Variants in ZNF469 observed in about 807,000 individuals in gnomAD.
ZNF469 encodes the protein zinc finger protein 469.
In ZNF469, 1 loss-of-function variant was observed where a neutral mutation model predicts 1.0. The observed-to-expected ratio is 1.00, with a 90% CI of 0.35 to 4.73. The LOEUF is 4.73. Among genes scored for constraint, ZNF469 ranks in the 30% most tolerant of loss-of-function variants. ZNF469 has a pLI of 0.16. For missense variants in ZNF469, 6,100 were observed against 5,356.3 expected, an observed-to-expected ratio of 1.14 and a Z score of -4.33; for synonymous variants, 2,703 against 2,363.4, an observed-to-expected ratio of 1.14 and a Z score of -4.17.
the ZNF469 span, among the ~76,000 whole-genome samples, chr16:88,245,368 C>G: frequency 2.8e-4 from 43 of 152,378 alleles, no homozygotes; most frequent in East Asian, 3.8e-3. Context: ...TTGCTGGAGT[C>G]TGGCTCCAGA....
At chr16:88,227,578 C>T in the ZNF469 span, among the ~76,000 whole-genome samples, 1 of 150,188 alleles carries the variant, frequency 6.7e-6, no homozygotes, top group Non-Finnish European at 1.5e-5. Flanking sequence ...GGCCTGGCCC[C>T]CCCCTTCTCC....
the ZNF469 span, among the ~76,000 whole-genome samples, chr16:88,109,548 G>GCCAGCTTGCTCACCTTTGGCCC: frequency 6.8e-6 from 1 of 147,304 alleles, no homozygotes; most frequent in Non-Finnish European, 1.5e-5. Context: ...ATCAGGAGGT[G>GCCAGCTTGCTCACCTTTGGCCC]CTGAGCATCT....
the ZNF469 span, among the ~76,000 whole-genome samples, chr16:88,230,320 C>T: frequency 1.3e-5 from 2 of 152,234 alleles, no homozygotes; most frequent in African/African-American, 4.8e-5. Context: ...ATTGCTGAGG[C>T]GGCCTCTGGC....
In ZNF469 at chr16:88,429,456, G is replaced by A; in HGVS notation, c.1986G>A (p.Gln662=). ...CCCACTCCCTCCCCACCCACTACCA[G>A]CCAGAGCCAGCCAAGGCCTTCCCTT... ...EPPHSLPTHY[Q]PEPAKAFPFP... The change falls in exon 3 of 3, where the codon CAG becomes CAA. Residue 662 remains glutamine, a synonymous_variant. Coordinates refer to ENST00000565624, the MANE Select transcript of ZNF469 (RefSeq NM_001367624.2). 8.5e-7 allele frequency: 1 copy of A among 1,181,352 alleles called. No individual in the cohort carries two copies. Among genetic ancestry groups the A allele is most frequent in the Non-Finnish European group, 1.1e-6 (1 of 889,150 alleles). The allele number at this position is 1,181,352 out of a possible 1,614,324, so 73.2% of individuals were successfully genotyped here.
Position 88,428,182 on chromosome 16 carries a change from G to A in ZNF469, c.712G>A (p.Ala238Thr), listed in dbSNP as rs748253495. 9.7e-6 allele frequency: 15 copies of A among 1,550,108 alleles called. No individual in the cohort carries two copies. Among genetic ancestry groups the A allele is most frequent in the Admixed American group, 5.9e-5 (3 of 50,984 alleles). ...QASGADSWPP[A>T]AENSFPGANF... is the part of the protein sequence containing the mutation. ...CAGTGGGGCCGACTCCTGGCCTCCC[G>A]CTGCTGAGAATAGCTTCCCAGGTGC... The change falls in exon 3 of 3, where the codon GCT becomes ACT. Residue 238 changes from alanine to threonine, a missense_variant. Physicochemically the swap from Ala to Thr is moderately conservative, Grantham distance 58. Coordinates refer to ENST00000565624, the MANE Select transcript of ZNF469 (RefSeq NM_001367624.2).
chr16:88,351,513 C>T, the ZNF469 span, among the ~76,000 whole-genome samples: 5 of 152,270 alleles, frequency 3.3e-5, no homozygotes, highest in African/African-American at 9.6e-5. Context: ...CCCAGAAAGG[C>T]CCTGACCCCT....
rs4782301 is a variant in ZNF469 at position 88,439,227 on chromosome 16, A to G, written c.11757A>G (p.Pro3919=). 1,193,842 of 1,550,378 alleles carry G rather than the reference A, an allele frequency of 0.77. 460,340 individuals carry two copies. Among genetic ancestry groups the G allele is most frequent in the Admixed American group, 0.86 (44,108 of 51,014 alleles). Residue 3919 remains proline, a synonymous_variant, in exon 3 of 3, where the codon CCA becomes CCG. Transcript: ENST00000565624. ...TCCACGGTGCTGAACCTGCCGAGCC[A>G]CACACCCACCGGACGGCCGAGGCCC... ...TAVHGAEPAE[P]HTHRTAEAQS... is the part of the protein sequence containing the mutation.
At chr16:88,288,293 C>T in the ZNF469 span, among the ~76,000 whole-genome samples, 1 of 152,086 alleles carries the variant, frequency 6.6e-6, no homozygotes, top group Non-Finnish European at 1.5e-5. Flanking sequence ...AGAGAGGGAG[C>T]CAGGGAGGCA....
At position 88,429,416 on chromosome 16, in the gene ZNF469, C is replaced by T. The variant is rs1283739533; in HGVS notation, c.1946C>T (p.Pro649Leu). The change falls in exon 3 of 3, where the codon CCG becomes CTG. Residue 649 changes from proline (P) to leucine (L), a missense_variant. Coordinates refer to ENST00000565624, the MANE Select transcript of ZNF469 (RefSeq NM_001367624.2). ...CCCCAGGAGACGGGCAGCCCCTTCC[C>T]GTCCCCGGAGCCCCCCCACTCCCTC... ...THPQETGSPF[P>L]SPEPPHSLPT... 4.5e-6 allele frequency: 7 copies of T among 1,546,986 alleles called. No individual in the cohort carries two copies. Among genetic ancestry groups the T allele is most frequent in the South Asian group, 2.4e-5 (2 of 84,012 alleles).
At chr16:88,148,680 T>G in the ZNF469 span, among the ~76,000 whole-genome samples, 1 of 152,156 alleles carries the variant, frequency 6.6e-6, no homozygotes, top group Admixed American at 6.5e-5. Context: ...GGCTCCTCCC[T>G]CTGGGCTTGG....
rs754366630 is a variant in ZNF469 at position 88,437,814 on chromosome 16, C to T, written c.10344C>T (p.Phe3448=). The T allele has an allele frequency of 3.2e-6, 5 of 1,543,944 alleles. No homozygotes were observed. In the African/African-American group the frequency reaches 5.5e-5, roughly 17 times the overall value. The change falls in exon 3 of 3, where the codon TTC becomes TTT. Residue 3448 remains phenylalanine (F), a synonymous_variant. Transcript: ENST00000565624. ...ACCTCAGGGGGGGGCGGCAGCCCTT[C>T]GCGTTCCGCGGCGTGCGGAGGCCGG... The part of the protein sequence containing the change: ...NKHLRGGRQP[F]AFRGVRRPGA...
chr16:88,323,581 C>G, the ZNF469 span, among the ~76,000 whole-genome samples: 15 of 152,128 alleles, frequency 9.9e-5, no homozygotes, highest in African/African-American at 3.1e-4. Context: ...GCCTCAGGAC[C>G]CTGTGGGAAG....
At chr16:88,402,080 T>A (rs1904897705) in intron 1 of ZNF469, among the ~76,000 whole-genome samples, 1 of 141,230 alleles carries the variant, frequency 7.1e-6, no homozygotes, top group Non-Finnish European at 1.5e-5. Context: ...GGATAGATGG[T>A]AGATGGATGG....
the ZNF469 span, among the ~76,000 whole-genome samples, chr16:88,375,213 G>A: frequency 6.6e-6 from 1 of 152,360 alleles, no homozygotes; most frequent in Admixed American, 6.5e-5. Flanking sequence ...TCCAAGAGCA[G>A]CCACAGAGTT....
At chr16:88,354,192 G>T in the ZNF469 span, among the ~76,000 whole-genome samples, 1 of 152,118 alleles carries the variant, frequency 6.6e-6, no homozygotes, top group Non-Finnish European at 1.5e-5. Flanking sequence ...TCCCTTCTAC[G>T]GGCAGAAAGT....
the ZNF469 span, among the ~76,000 whole-genome samples, chr16:88,272,190 C>T: frequency 1.5e-5 from 2 of 129,548 alleles, no homozygotes; most frequent in South Asian, 2.6e-4. Context: ...GGATGAATTG[C>T]GGGTTGTTAG....
At chr16:88,326,200 G>A in the ZNF469 span, among the ~76,000 whole-genome samples, 7 of 152,216 alleles carry the variant, frequency 4.6e-5, no homozygotes, top group African/African-American at 9.6e-5. Context: ...ATTGAATTAC[G>A]GGGGTGGCTC....
At chr16:88,408,531 A>C (rs1461804498) in intron 1 of ZNF469, among the ~76,000 whole-genome samples, 2 of 152,234 alleles carry the variant, frequency 1.3e-5, no homozygotes, top group African/African-American at 4.8e-5. Flanking sequence ...GAGGAATGAG[A>C]GGGAGGGGCT....
Position 88,432,422 on chromosome 16 carries a change from A to G in ZNF469, c.4952A>G (p.Gln1651Arg), listed in dbSNP as rs773925755. 3.7e-4 allele frequency: 568 copies of G among 1,550,174 alleles called. 2 individuals are homozygous for G. In the Middle Eastern group the frequency reaches 7.7e-3, roughly 21 times the overall value. Residue 1651 changes from glutamine (Q) to arginine (R), a missense_variant, in exon 3 of 3, where the codon CAG becomes CGG. Physicochemically the swap from Gln to Arg is conservative, Grantham distance 43 (BLOSUM62 1). Coordinates refer to ENST00000565624, the MANE Select transcript of ZNF469 (RefSeq NM_001367624.2). ...GCTGTGGCCACCGTGGAAGCGGTTC[A>G]GGGGAGGCCTGGGGGGACGTGGCCC... ...ESAVATVEAV[Q>R]GRPGGTWPCP... is the part of the protein sequence containing the mutation.
Sources: gnomAD v4.1 joint callset for allele counts (sites outside exome capture counted in the v4.1 genomes callset) on GRCh38, gnomAD v4.1.1 for gene constraint, MANE v1.5 for transcripts, NCBI Gene and HGNC (gene_info 2026-07-23, HGNC 2026-07-21) for gene names.